Variants in RPLP2 observed in about 807,000 individuals in gnomAD.
RPLP2 encodes large ribosomal subunit protein P2.
A neutral mutation model predicts 11.5 loss-of-function variants in RPLP2; 1 was observed. The observed-to-expected ratio is 0.09, with a 90% CI of 0.03 to 0.41. RPLP2 has a LOEUF of 0.41. RPLP2 is among the 10% of genes least tolerant of loss of function. The pLI is 0.98. For missense variants in RPLP2, 177 were observed against 145.6 expected (o/e 1.22, Z -1.11); for synonymous variants, 82 against 55.9 (o/e 1.47, Z -2.08).
intron 2 of RPLP2, 52 bp from the exon 3 acceptor site, chr11:811,545 C>T (rs1022823659): frequency 1.1e-5 from 17 of 1,609,728 alleles, no homozygotes; most frequent in South Asian, 2.2e-5. Flanking sequence ...GGGAGAGGGC[C>T]GGGGATACAA....
Position 812,793 on chromosome 11 carries a change from C to T in RPLP2, c.305C>T (p.Ser102Phe), listed in dbSNP as rs1184292314. The change falls in exon 5 of 5, where the codon TCT (serine) becomes TTT (phenylalanine). Residue 102 changes from serine (S) to phenylalanine (F), a missense_variant. By Grantham distance (155) the Ser-to-Phe change is radical. Transcript: ENST00000321153. The part of the protein sequence containing the change: ...EEKKDEKKEE[S>F]EESDDDMGFG... The stretch of plus-strand genomic sequence containing the variant: ...AAGAAAGATGAGAAGAAGGAGGAGT[C>T]TGAAGAGTCAGATGATGACATGGGA... 3 of 1,613,660 alleles carry T rather than the reference C, an allele frequency of 1.9e-6. No individual in the cohort carries two copies. The African/African-American group carries it at 4.0e-5, about 22-fold the overall frequency.
At chr11:811,045 T>C (rs1590166918) in intron 2 of RPLP2, among the ~76,000 whole-genome samples, 1 of 147,670 alleles carries the variant, frequency 6.8e-6, no homozygotes, top group South Asian at 2.1e-4. Flanking sequence ...GAGGCAGTGG[T>C]GCACATCTGT....
chr11:811,957 CAGCAGTCCTT>C, intron 3 of RPLP2: 1 of 586,264 alleles, frequency 1.7e-6, no homozygotes, highest in Non-Finnish European at 3.1e-6. Flanking sequence ...GAGTTCACGT[CAGCAGTCCTT>C]ACCACATGCT....
At position 811,770 on chromosome 11, in the gene RPLP2, A is replaced by C. The variant is rs1336049854; in HGVS notation, c.172+125A>C. The C allele has an allele frequency of 9.8e-6, 12 of 1,226,832 alleles. No homozygotes were observed. In the Admixed American group the frequency reaches 2.0e-4, roughly 21 times the overall value. The allele number at this position is 1,226,832 out of a possible 1,614,324, so 76.0% of individuals were successfully genotyped here. On this transcript the variant is annotated intron_variant, in intron 3 of 4. Transcript: ENST00000321153. ...CCCTAGAAGCCTCACCCGAGGAGTG[A>C]GCAGGGCTCCAGTGGGCTCACGTCA...
intron 3 of RPLP2, 61 bp downstream of exon 3, chr11:811,706 C>A: frequency 1.2e-6 from 2 of 1,606,190 alleles, no homozygotes; most frequent in Non-Finnish European, 1.7e-6. Flanking sequence ...CCTGCCGGTC[C>A]ATCTGTGGCC....
intron 2 of RPLP2, 138 bp downstream of exon 2, chr11:810,495 GAAGT>G: frequency 1.2e-6 from 1 of 846,508 alleles, no homozygotes; most frequent in Non-Finnish European, 1.7e-6. Flanking sequence ...CTTGGATAGA[GAAGT>G]AAGCCGGGCG....
chr11:811,700 C>T (rs1352866353), intron 3 of RPLP2, 55 bp downstream of exon 3: 1 of 1,609,326 alleles, frequency 6.2e-7, no homozygotes, highest in Non-Finnish European at 8.5e-7. Context: ...CTAATCCCTG[C>T]CGGTCCATCT....
Position 810,282 on chromosome 11 carries a change from C to T in RPLP2, c.48C>T (p.Ser16=), listed in dbSNP as rs772331823. Reference sequence around the variant, plus strand: ...TGCTGGCTGCCCTAGGGGGCAACTCCTCCCCCAGCGCCAAGGACATCAAGA... The same window carrying T: ...TGCTGGCTGCCCTAGGGGGCAACTCTTCCCCCAGCGCCAAGGACATCAAGA... ...SYLLAALGGN[S]SPSAKDIKKI... The change falls in exon 2 of 5, where the codon TCC becomes TCT. Residue 16 remains serine (S), a synonymous_variant. Coordinates refer to ENST00000321153, the MANE Select transcript of RPLP2 (RefSeq NM_001004.4). 3.5e-5 allele frequency: 57 copies of T among 1,607,852 alleles called. No homozygotes were observed. In the East Asian group the frequency reaches 1.0e-3, roughly 29 times the overall value.
chr11:811,548 G>A, intron 2 of RPLP2, 49 bp from the exon 3 acceptor site: 2 of 1,612,074 alleles, frequency 1.2e-6, no homozygotes, highest in Non-Finnish European at 1.7e-6. Flanking sequence ...AGAGGGCCGG[G>A]GATACAATCG....
rs1011081467 is a variant in RPLP2 at position 811,343 on chromosome 11, C to T, written c.124-254C>T. The T allele has an allele frequency of 5.4e-6, 3 of 558,262 alleles. No individual in the cohort carries two copies. In the East Asian group the frequency reaches 9.0e-5, roughly 17 times the overall value. The allele number at this position is 558,262 out of a possible 1,614,324, so 34.6% of individuals were successfully genotyped here. On this transcript the variant is annotated intron_variant, in intron 2 of 4. Coordinates refer to ENST00000321153, the MANE Select transcript of RPLP2 (RefSeq NM_001004.4). ...GTTTATTTTGCCAGTGTTGAAGATA[C>T]CTATGAGTAGTCAACATAAGTAGTG...
intron 1 of RPLP2, 67 bp downstream of exon 1, chr11:810,106 C>A: frequency 8.8e-7 from 1 of 1,141,244 alleles, no homozygotes; most frequent in Non-Finnish European, 1.2e-6. Flanking sequence ...GCGGGGTGGG[C>A]GGCGGGGTAT....
At chr11:810,465 T>A (rs1865996920) in intron 2 of RPLP2, 108 bp downstream of exon 2, 2 of 1,124,516 alleles carry the variant, frequency 1.8e-6, no homozygotes, top group Non-Finnish European at 2.5e-6. Context: ...AGAGGCTCGT[T>A]TCAGTCTAGT....
intron 4 of RPLP2, 24 bp from the exon 5 acceptor site, chr11:812,736 C>A: frequency 6.2e-7 from 1 of 1,612,666 alleles, no homozygotes; most frequent in Non-Finnish European, 8.5e-7. Flanking sequence ...GCAGTGCTCA[C>A]CATGCCTCTC....
At position 809,984 on chromosome 11, in the gene RPLP2, C is replaced by T. The variant is rs1865970267; in HGVS notation, c.-57C>T. 1 of 403,844 alleles carries T rather than the reference C, an allele frequency of 2.5e-6. No individual in the cohort carries two copies. The allele number at this position is 403,844 out of a possible 1,614,324, so 25.0% of individuals were successfully genotyped here. A position where few individuals can be genotyped will look rare whatever the true frequency, so the allele number is the denominator to read the frequency against. The stretch of plus-strand genomic sequence containing the variant: ...GGCGCCTTCCTTTTCCTCCCTGTCG[C>T]CACCGAGGTCGCACGCGTGAGACTT... On this transcript the variant is annotated 5_prime_UTR_variant, in exon 1 of 5. Coordinates refer to ENST00000321153, the MANE Select transcript of RPLP2 (RefSeq NM_001004.4).
At chr11:811,286 C>T in intron 2 of RPLP2, 2 of 424,428 alleles carry the variant, frequency 4.7e-6, no homozygotes, top group South Asian at 2.3e-5. Flanking sequence ...CCACTGCACT[C>T]CAGCCTGAAG....
chr11:810,145 C>G lies in RPLP2; in HGVS notation c.-1-89C>G. 2.2e-6 allele frequency: 3 copies of G among 1,363,540 alleles called. No homozygotes were observed. The South Asian group carries it at 5.0e-5, about 23-fold the overall frequency. 84.5% of individuals were successfully genotyped at this position (1,363,540 alleles called of 1,614,324 possible). A position where few individuals can be genotyped will look rare whatever the true frequency, so the allele number is the denominator to read the frequency against. On this transcript the variant is annotated intron_variant, in intron 1 of 4. Transcript: ENST00000321153. ...TGGGACGGAGGCCTACGGGCCGAGC[C>G]ACGCGCGGCCTCGCCCGGCGGCCCC...
intron 1 of RPLP2, 95 bp downstream of exon 1, chr11:810,134 A>T: frequency 7.5e-7 from 1 of 1,340,922 alleles, no homozygotes; most frequent in Non-Finnish European, 9.7e-7. Context: ...ACGGAGGCCT[A>T]CGGGCCGAGC....
At chr11:812,490 C>G (rs769833565) in intron 3 of RPLP2, 45 bp from the exon 4 acceptor site, 2 of 1,600,866 alleles carry the variant, frequency 1.2e-6, no homozygotes, top group African/African-American at 2.7e-5. Context: ...GAACAGCCTC[C>G]CAGGCTGGGC....
chr11:810,473 A>G, intron 2 of RPLP2, 116 bp downstream of exon 2: 1 of 1,062,474 alleles, frequency 9.4e-7, no homozygotes, highest in Non-Finnish European at 1.3e-6. Flanking sequence ...GTTTCAGTCT[A>G]GTTGGCGATT....
Sources: allele counts gnomAD v4.1 joint callset (sites outside exome capture counted in the v4.1 genomes callset), GRCh38; gene constraint gnomAD v4.1.1; transcripts MANE v1.5; gene names NCBI Gene and HGNC (gene_info 2026-07-23, HGNC 2026-07-21).